Variants in CYB5R1 observed in about 807,000 individuals in gnomAD.
The protein encoded by CYB5R1 is cytochrome b5 reductase 1.
CYB5R1 carries 32 observed loss-of-function variants against 37.4 expected under a neutral mutation model. The observed-to-expected ratio is 0.86, with a 90% CI of 0.65 to 1.15. The LOEUF (loss-of-function observed/expected upper bound fraction) is 1.15. CYB5R1 is among the 50% of genes most tolerant of loss of function. The pLI is 0.00. For synonymous variants in CYB5R1, 159 were observed against 155.2 expected, an observed-to-expected ratio of 1.02 and a Z score of -0.18; for missense variants, 345 against 382.5, an observed-to-expected ratio of 0.90 and a Z score of 0.82.
chr1:202,967,213 C>T lies in CYB5R1; in HGVS notation c.-8G>A, dbSNP rs754935900. The T allele has an allele frequency of 1.2e-6, 2 of 1,609,626 alleles. No homozygotes were observed. The highest frequency in any genetic ancestry group is 1.3e-5 in the African/African-American group (1 of 74,576). On this transcript the variant is annotated 5_prime_UTR_variant, in exon 1 of 9. Transcript: ENST00000367249. ...TACCGTCTGGATCCCCATGACGGAG[C>T]GCCTTTTCCTCCACCACCTGACAAG...
chr1:202,964,597 C>G lies in CYB5R1; in HGVS notation c.559+15G>C. ...TCAACAATGGTGGGAGAGAAAGGCC[C>G]TCAGTGTAATGCACCTGTCCCGCCG... is the stretch of plus-strand genomic sequence containing the variant. On this transcript the variant is annotated intron_variant, in intron 6 of 8. Transcript: ENST00000367249. 6.3e-7 allele frequency: 1 copy of G among 1,597,078 alleles called. No homozygotes were observed. Among genetic ancestry groups the G allele is most frequent in the Non-Finnish European group, 8.6e-7 (1 of 1,165,212 alleles).
chr1:202,965,637 C>CTTT, intron 4 of CYB5R1, 137 bp from the exon 5 acceptor site: 5 of 502,520 alleles, frequency 9.9e-6, no homozygotes, highest in Non-Finnish European at 1.1e-5. Flanking sequence ...TTCTTTCTTT[C>CTTT]TTTTTTTTTT....
At chr1:202,967,114 C>G in intron 1 of CYB5R1, 77 bp downstream of exon 1, 1 of 1,542,390 alleles carries the variant, frequency 6.5e-7, no homozygotes, top group Non-Finnish European at 8.9e-7. Flanking sequence ...GCAGCGACAG[C>G]CCCTGGTCCG....
At chr1:202,966,299 G>A in intron 3 of CYB5R1, 1 of 608,246 alleles carries the variant, frequency 1.6e-6, no homozygotes, top group Non-Finnish European at 2.9e-6. Flanking sequence ...AGCAAATCCT[G>A]CAGGGAAGAG....
At position 202,965,429 on chromosome 1, in the gene CYB5R1, C is replaced by T; in HGVS notation, c.417G>A (p.Lys139=). ...CCCGAAACTCCACCACATCCCCAAC[C>T]TTCAGGCTATCCAGGTACTGAGACA... The part of the protein sequence containing the change: ...GKMSQYLDSL[K]VGDVVEFRGP... Residue 139 remains lysine (K), a synonymous_variant, in exon 5 of 9, where the codon AAG becomes AAA. Transcript: ENST00000367249. The T allele has an allele frequency of 6.2e-7, 1 of 1,608,984 alleles. No homozygotes were observed. The highest frequency in any genetic ancestry group is 8.5e-7 in the Non-Finnish European group (1 of 1,177,510).
At chr1:202,963,253 A>G (rs1655028860) in intron 7 of CYB5R1, 88 bp from the exon 8 acceptor site, 1 of 926,776 alleles carries the variant, frequency 1.1e-6, no homozygotes, top group Admixed American at 2.4e-5. Flanking sequence ...CAACTAAGAA[A>G]AAGAATGTTA....
Position 202,963,181 on chromosome 1 carries a change from G to A in CYB5R1, c.646-16C>T, listed in dbSNP as rs1655026875. On this transcript the variant is annotated splice_polypyrimidine_tract_variant and intron_variant, in intron 7 of 8. Transcript: ENST00000367249. ...CCTTTTCTGTCTGAAATGCAAAGGGGAAGGAAAGTCTTTAGGAGTCTTCTC... is the reference window on the plus strand; with the variant it reads ...CCTTTTCTGTCTGAAATGCAAAGGGAAAGGAAAGTCTTTAGGAGTCTTCTC... 6.3e-7 allele frequency: 1 copy of A among 1,598,190 alleles called. No individual in the cohort carries two copies. The highest frequency in any genetic ancestry group is 1.7e-5 in the Admixed American group (1 of 59,938).
At chr1:202,964,441 T>TC in intron 6 of CYB5R1, 171 bp downstream of exon 6, 1 of 616,824 alleles carries the variant, frequency 1.6e-6, no homozygotes, top group Non-Finnish European at 2.9e-6. Flanking sequence ...TTTTTTGGTT[T>TC]CTACCTGCTT....
In CYB5R1 at chr1:202,962,643, C is replaced by G. The variant is rs781467504; in HGVS notation, c.802G>C (p.Ala268Pro). Residue 268 changes from alanine to proline, a missense_variant, in exon 9 of 9, where the codon GCT becomes CCT. Ala to Pro is a conservative substitution (Grantham distance 27). Coordinates refer to ENST00000367249, the MANE Select transcript of CYB5R1 (RefSeq NM_016243.3). ...AGTACCAGCACATCATCCCCTGGAG[C>G]GGGCAGGTGTTCCCGGATCATGTCG... is the stretch of plus-strand genomic sequence containing the variant. ...TADMIREHLP[A>P]PGDDVLVLLC... 2 of 1,614,004 alleles carry G rather than the reference C, an allele frequency of 1.2e-6. No individual in the cohort carries two copies. The highest frequency in any genetic ancestry group is 1.7e-6 in the Non-Finnish European group (2 of 1,180,044).
At chr1:202,962,831 G>C (rs936518828) in intron 8 of CYB5R1, 132 bp from the exon 9 acceptor site, 134 of 1,162,598 alleles carry the variant, frequency 1.2e-4, no homozygotes, top group Non-Finnish European at 1.5e-4. Context: ...GCTGGGAATG[G>C]GTATACTCAG....
chr1:202,963,882 T>G, intron 6 of CYB5R1, 155 bp from the exon 7 acceptor site: 2 of 465,574 alleles, frequency 4.3e-6, no homozygotes, highest in Non-Finnish European at 7.8e-6. Context: ...TTCCTGCATA[T>G]TCTCCAACAT....
intron 1 of CYB5R1, 137 bp from the exon 2 acceptor site, chr1:202,967,035 C>T (rs917448387): frequency 2.0e-5 from 29 of 1,432,448 alleles, no homozygotes; most frequent in Non-Finnish European, 2.5e-5. Flanking sequence ...GGCGGAGTCC[C>T]GAGCCCGGAT....
rs948368845 is a variant in CYB5R1 at position 202,963,111 on chromosome 1, G to A, written c.700C>T (p.Pro234Ser). Reference sequence around the variant, plus strand: ...GTGAACCAGAGCTTAAAGCGATTGGGATAGCGGGCCTGCAGTTCCTCTAAG... The same window carrying A: ...GTGAACCAGAGCTTAAAGCGATTGGAATAGCGGGCCTGCAGTTCCTCTAAG... ...EDLEELQARY[P>S]NRFKLWFTLD... Residue 234 changes from proline to serine, a missense_variant, in exon 8 of 9, where the codon CCC becomes TCC. Transcript: ENST00000367249. 1.2e-6 allele frequency: 2 copies of A among 1,614,092 alleles called. No individual in the cohort carries two copies. The highest frequency in any genetic ancestry group is 2.7e-5 in the African/African-American group (2 of 74,926).
chr1:202,962,455 C>G lies in CYB5R1; in HGVS notation c.*72G>C. ...AACCTGAAACTCTGAGGAAAGGAAT[C>G]TAAGGCTTATAGTGCTTGAGTACTG... On this transcript the variant is annotated 3_prime_UTR_variant, in exon 9 of 9. Coordinates refer to ENST00000367249, the MANE Select transcript of CYB5R1 (RefSeq NM_016243.3). 6.7e-7 allele frequency: 1 copy of G among 1,501,138 alleles called. No homozygotes were observed. The highest frequency in any genetic ancestry group is 8.9e-7 in the Non-Finnish European group (1 of 1,121,076). The allele number at this position is 1,501,138 out of a possible 1,614,324, so 93.0% of individuals were successfully genotyped here.
At chr1:202,965,687 C>T (rs1161517197) in intron 4 of CYB5R1, among the ~76,000 whole-genome samples, 187 bp from the exon 5 acceptor site, 2 of 148,948 alleles carry the variant, frequency 1.3e-5, no homozygotes, top group East Asian at 3.9e-4. Flanking sequence ...GGCTTGAGTG[C>T]AGTGGCGCAA....
In CYB5R1 at chr1:202,962,602, G is replaced by A. The variant is rs1396272249; in HGVS notation, c.843C>T (p.Pro281=). 2 of 1,613,994 alleles carry A rather than the reference G, an allele frequency of 1.2e-6. No individual in the cohort carries two copies. Among genetic ancestry groups the A allele is most frequent in the Non-Finnish European group, 8.5e-7 (1 of 1,180,018 alleles). The change falls in exon 9 of 9, where the codon CCC becomes CCT. Residue 281 remains proline, a synonymous_variant. Coordinates refer to ENST00000367249, the MANE Select transcript of CYB5R1 (RefSeq NM_016243.3). ...DDVLVLLCGP[P]PMVQLACHPN... is the part of the protein sequence containing the mutation. The stretch of plus-strand genomic sequence containing the variant: ...GATGGCAGGCCAGCTGCACCATTGG[G>A]GGTGGCCCACAAAGCAGTACCAGCA...
chr1:202,964,216 A>G (rs142058211), intron 6 of CYB5R1: 1 of 199,494 alleles, frequency 5.0e-6, no homozygotes, highest in East Asian at 1.3e-4. Flanking sequence ...CCTACTTCAT[A>G]GATACCTATA....
chr1:202,966,472 G>A (rs1655093914), intron 3 of CYB5R1, 56 bp downstream of exon 3: 2 of 1,577,724 alleles, frequency 1.3e-6, no homozygotes, highest in African/African-American at 2.7e-5. Flanking sequence ...GATCCCAGGA[G>A]GGGAGTCACC....
At chr1:202,964,468 G>T (rs1273309750) in intron 6 of CYB5R1, 144 bp downstream of exon 6, 3 of 695,996 alleles carry the variant, frequency 4.3e-6, no homozygotes, top group South Asian at 3.6e-5. Context: ...TTGTTTTTCA[G>T]ATACTAGGGA....
Sources: gnomAD v4.1 joint callset for allele counts (sites outside exome capture counted in the v4.1 genomes callset) on GRCh38, gnomAD v4.1.1 for gene constraint, MANE v1.5 for transcripts, NCBI Gene and HGNC (gene_info 2026-07-23, HGNC 2026-07-21) for gene names.